The following RABGAP1L variants were observed in gnomAD, a reference collection of about 807,000 sequenced individuals.
RABGAP1L encodes RAB GTPase activating protein 1 like.
Under a neutral mutation model 137.7 loss-of-function variants are expected in RABGAP1L, and 63 were observed. That is an observed-to-expected ratio of 0.46 (90% CI 0.37 to 0.56). The LOEUF is 0.56. RABGAP1L is among the 20% of genes least tolerant of loss of function. RABGAP1L has a pLI of 0.00. For missense variants in RABGAP1L, 1,095 were observed against 1,244.0 expected, an observed-to-expected ratio of 0.88 and a Z score of 1.80; for synonymous variants, 431 against 433.7, an observed-to-expected ratio of 0.99 and a Z score of 0.08.
chr1:174,439,215 C>T (rs1653846075), intron 13 of RABGAP1L, among the ~76,000 whole-genome samples: 2 of 152,042 alleles, frequency 1.3e-5, no homozygotes, highest in Non-Finnish European at 2.9e-5. Flanking sequence ...TAGGTTTTCC[C>T]ATAAAGTGTC....
chr1:174,765,004 A>T (rs983140522), intron 18 of RABGAP1L, among the ~76,000 whole-genome samples: 1 of 152,008 alleles, frequency 6.6e-6, no homozygotes, highest in African/African-American at 2.4e-5. Context: ...TGTCAATCTC[A>T]TCTGTCCGTG....
rs183225024 is a variant in RABGAP1L, at chr1:174,566,415, G to T, written c.1711-70960G>T. The stretch of plus-strand genomic sequence containing the variant: ...TCTGGTGGTAATTGTTATTCACCCT[G>T]CTCTGCTTTAGTCTCTGATAGAATT... On this transcript the variant is annotated intron_variant, in intron 13 of 25. Coordinates refer to ENST00000681986, the MANE Select transcript of RABGAP1L (RefSeq NM_001366446.1). Among the ~76,000 whole-genome samples the T allele has an allele frequency of 6.8e-4, 103 of 152,214 alleles. 1 individual carries two copies. Among genetic ancestry groups the T allele is most frequent in the African/African-American group, 2.3e-3 (95 of 41,550 alleles).
intron 13 of RABGAP1L, among the ~76,000 whole-genome samples, chr1:174,445,738 T>C (rs1654677376): frequency 6.6e-6 from 1 of 152,230 alleles, no homozygotes; most frequent in African/African-American, 2.4e-5. Context: ...AGATTACTGC[T>C]GACTTTTTAG....
intron 1 of RABGAP1L, among the ~76,000 whole-genome samples, chr1:174,174,631 C>G (rs967559911): frequency 2.6e-5 from 4 of 152,156 alleles, no homozygotes; most frequent in African/African-American, 9.7e-5. Flanking sequence ...AAATAACTCT[C>G]AATTCGAGGC....
chr1:174,780,186 A>G (rs1212821245), intron 18 of RABGAP1L, among the ~76,000 whole-genome samples: 1 of 152,144 alleles, frequency 6.6e-6, no homozygotes, highest in African/African-American at 2.4e-5. Flanking sequence ...CATTGTTTCC[A>G]TCCTGCTTTT....
intron 18 of RABGAP1L, among the ~76,000 whole-genome samples, chr1:174,803,115 AC>A (rs1314118859): frequency 6.6e-6 from 1 of 152,166 alleles, no homozygotes. Flanking sequence ...ATGAAGATTT[AC>A]CAAGATAGTG....
chr1:174,247,884 G>A (rs915872881), intron 5 of RABGAP1L, among the ~76,000 whole-genome samples: 2 of 152,030 alleles, frequency 1.3e-5, no homozygotes, highest in Admixed American at 6.6e-5. Context: ...TCTCTGTATG[G>A]GGAGCCGCTT....
At chr1:174,329,050 A>AC (rs1553274776) in intron 11 of RABGAP1L, among the ~76,000 whole-genome samples, 22 of 151,104 alleles carry the variant, frequency 1.5e-4, no homozygotes, top group African/African-American at 4.6e-4. Flanking sequence ...AAAAAAAAAA[A>AC]CCCAGGAAAC....
chr1:174,663,293 T>C (rs974638905), intron 14 of RABGAP1L, among the ~76,000 whole-genome samples: 3 of 152,228 alleles, frequency 2.0e-5, no homozygotes, highest in Non-Finnish European at 4.4e-5. Flanking sequence ...GACACTCAAA[T>C]AATTATCATA....
intron 1 of RABGAP1L, among the ~76,000 whole-genome samples, chr1:174,161,762 T>G (rs1485473442): frequency 2.7e-5 from 4 of 149,176 alleles, no homozygotes; most frequent in African/African-American, 1.0e-4. Flanking sequence ...AAGGTCTCGC[T>G]CTGGCGCCCA....
rs560006502 is a variant in RABGAP1L, at chr1:174,270,679, G to A, written c.987-1735G>A. On this transcript the variant is annotated intron_variant, in intron 7 of 25. Coordinates refer to ENST00000681986, the MANE Select transcript of RABGAP1L (RefSeq NM_001366446.1). ...TTCAAAAAGAACAAAAAGAAAGAGA[G>A]TATACTTTCCAAACTGTTAGCATTA... 2.0e-5 allele frequency among the ~76,000 whole-genome samples: 3 copies of A among 152,162 alleles called. 1 individual carries two copies. Among genetic ancestry groups the A allele is most frequent in the African/African-American group, 7.2e-5 (3 of 41,528 alleles).
chr1:174,789,633 G>T lies in RABGAP1L; in HGVS notation c.2212-22199G>T, dbSNP rs114664937. Among the ~76,000 whole-genome samples the T allele has an allele frequency of 7.6e-3, 1,163 of 152,174 alleles. 16 individuals carry two copies. The highest frequency in any genetic ancestry group is 0.027 in the African/African-American group (1,123 of 41,524). ...CAAGTTACTGTGTTGTGTCTCTGTG[G>T]GGTCTCCTGGGGAGAACAGAAACAA... is the stretch of plus-strand genomic sequence containing the variant. On this transcript the variant is annotated intron_variant, in intron 18 of 25. Coordinates refer to ENST00000681986, the MANE Select transcript of RABGAP1L (RefSeq NM_001366446.1).
intron 10 of RABGAP1L, among the ~76,000 whole-genome samples, chr1:174,286,673 A>G (rs1676081790): frequency 6.6e-6 from 1 of 151,670 alleles, no homozygotes; most frequent in South Asian, 2.1e-4. Context: ...TTTCCCCATA[A>G]TTTAGACATT....
intron 13 of RABGAP1L, among the ~76,000 whole-genome samples, chr1:174,398,402 C>A (rs1192197170): frequency 6.6e-6 from 1 of 152,094 alleles, no homozygotes; most frequent in Non-Finnish European, 1.5e-5. Context: ...CTTGGCCAGC[C>A]TACGTCATGA....
intron 7 of RABGAP1L, among the ~76,000 whole-genome samples, chr1:174,268,245 G>A (rs1674243110): frequency 6.6e-6 from 1 of 150,690 alleles, no homozygotes; most frequent in Non-Finnish European, 1.5e-5. Context: ...TGTTGCCCAG[G>A]CTGGAGTGCA....
At chr1:174,866,466 C>T (rs1434147519) in intron 19 of RABGAP1L, among the ~76,000 whole-genome samples, 2 of 152,166 alleles carry the variant, frequency 1.3e-5, no homozygotes, top group South Asian at 2.1e-4. Context: ...TCATGGAAGC[C>T]ATCGCTGACA....
intron 19 of RABGAP1L, among the ~76,000 whole-genome samples, chr1:174,946,949 T>G: frequency 3.6e-5 from 3 of 84,262 alleles, no homozygotes; most frequent in African/African-American, 8.3e-5. Context: ...TATGTGTGTG[T>G]GTGTGTGTGT....
At chr1:174,731,069 G>T (rs1682422063) in intron 17 of RABGAP1L, among the ~76,000 whole-genome samples, 1 of 152,114 alleles carries the variant, frequency 6.6e-6, no homozygotes, top group Non-Finnish European at 1.5e-5. Context: ...CTGCCTCCTG[G>T]GTTCAAGCTA....
chr1:174,530,815 ATACATACATACATACATACATACG>A (rs1364190598), intron 13 of RABGAP1L, among the ~76,000 whole-genome samples: 25 of 126,734 alleles, frequency 2.0e-4, no homozygotes, highest in African/African-American at 8.6e-4. Context: ...ACATACATAC[ATACATACATACATACATACATACG>A]TACGTTTGTG....
Sources: gnomAD v4.1 joint callset for allele counts (sites outside exome capture counted in the v4.1 genomes callset) on GRCh38, gnomAD v4.1.1 for gene constraint, MANE v1.5 for transcripts, NCBI Gene and HGNC (gene_info 2026-07-23, HGNC 2026-07-21) for gene names.